FHIT: variants seen among roughly 807,000 people sequenced by gnomAD.
The protein encoded by FHIT is bis(5'-adenosyl)-triphosphatase.
In FHIT, 19 loss-of-function variants were observed where a neutral mutation model predicts 17.9. That is an observed-to-expected ratio of 1.06 (90% CI 0.74 to 1.56). The LOEUF (loss-of-function observed/expected upper bound fraction) is 1.56. Ranked by LOEUF, FHIT falls within the 40% of genes most tolerant of loss-of-function variation. The probability of loss-of-function intolerance (pLI) is 0.00; values close to 1 mark genes in which losing one functional copy is unlikely to be tolerated. For synonymous variants in FHIT, 81 were observed against 69.7 expected, an observed-to-expected ratio of 1.16 and a Z score of -0.81; for missense variants, 248 against 189.2, an observed-to-expected ratio of 1.31 and a Z score of -1.82.
chr3:60,212,108 G>C (rs1018957854), intron 5 of FHIT, among the ~76,000 whole-genome samples: 2 of 152,160 alleles, frequency 1.3e-5, no homozygotes, highest in African/African-American at 4.8e-5. Flanking sequence ...GTTTTAAGCT[G>C]CTGGCTCCTT....
chr3:60,539,818 C>T (rs1012523364), intron 4 of FHIT, among the ~76,000 whole-genome samples: 7 of 152,030 alleles, frequency 4.6e-5, no homozygotes, highest in Non-Finnish European at 8.8e-5. Context: ...GGAGGGATAG[C>T]ATTAGGAGAT....
chr3:60,500,617 A>C (rs2034484197), intron 5 of FHIT, among the ~76,000 whole-genome samples: 2 of 151,232 alleles, frequency 1.3e-5, no homozygotes, highest in African/African-American at 4.9e-5. Context: ...TAAAAATACA[A>C]AAAAAATTAG....
intron 5 of FHIT, among the ~76,000 whole-genome samples, chr3:60,284,086 T>A (rs930139736): frequency 1.3e-5 from 2 of 152,010 alleles, no homozygotes; most frequent in African/African-American, 4.8e-5. Context: ...AAAGATAGGT[T>A]TAGTAGAAAA....
intron 3 of FHIT, among the ~76,000 whole-genome samples, chr3:60,861,842 A>C (rs931678661): frequency 9.3e-5 from 14 of 150,358 alleles, no homozygotes; most frequent in Admixed American, 2.7e-4. Flanking sequence ...CCCAGCTACT[A>C]GGGAGGCTGA....
chr3:60,846,252 A>T (rs1388473305), intron 3 of FHIT, among the ~76,000 whole-genome samples: 3 of 152,218 alleles, frequency 2.0e-5, no homozygotes, highest in African/African-American at 7.2e-5. Context: ...AATGTATTAT[A>T]TATTTGTAAA....
intron 7 of FHIT, among the ~76,000 whole-genome samples, chr3:59,994,180 T>C (rs1318668892): frequency 1.3e-5 from 2 of 152,064 alleles, no homozygotes; most frequent in African/African-American, 2.4e-5. Context: ...AATACTGCCT[T>C]ACAAAAATAA....
chr3:60,027,281 G>A (rs1178771148), intron 5 of FHIT, among the ~76,000 whole-genome samples: 1 of 151,972 alleles, frequency 6.6e-6, no homozygotes, highest in Non-Finnish European at 1.5e-5. Context: ...AGAAAACTGT[G>A]GAAACAAAAC....
intron 4 of FHIT, among the ~76,000 whole-genome samples, chr3:60,729,294 G>C (rs1356562418): frequency 6.6e-6 from 1 of 152,188 alleles, no homozygotes; most frequent in Non-Finnish European, 1.5e-5. Context: ...GAAATGAAAA[G>C]AGCCACCATT....
intron 5 of FHIT, among the ~76,000 whole-genome samples, chr3:60,483,505 G>C (rs1394616092): frequency 6.6e-6 from 1 of 152,144 alleles, no homozygotes; most frequent in Non-Finnish European, 1.5e-5. Context: ...TCATTCCTGG[G>C]ATTCAATGGT....
chr3:60,894,245 C>T (rs1476205837), intron 3 of FHIT, among the ~76,000 whole-genome samples: 1 of 152,170 alleles, frequency 6.6e-6, no homozygotes, highest in Admixed American at 6.5e-5. Flanking sequence ...TAAACGTTAA[C>T]ATACATTAGT....
At chr3:60,980,393 G>A (rs1179524382) in intron 3 of FHIT, among the ~76,000 whole-genome samples, 3 of 152,210 alleles carry the variant, frequency 2.0e-5, no homozygotes, top group South Asian at 2.1e-4. Flanking sequence ...TTTGCTAAAT[G>A]AGTGGAATGG....
chr3:60,113,980 C>G (rs1425951754), intron 5 of FHIT, among the ~76,000 whole-genome samples: 1 of 85,410 alleles, frequency 1.2e-5, no homozygotes, highest in Non-Finnish European at 2.1e-5. Flanking sequence ...CCAGCCTGGG[C>G]AATAGAACAA....
chr3:60,349,131 G>A (rs1710947784), intron 5 of FHIT, among the ~76,000 whole-genome samples: 1 of 151,922 alleles, frequency 6.6e-6, no homozygotes, highest in African/African-American at 2.4e-5. Context: ...AGTAGTACTG[G>A]GTTTTATTAA....
At chr3:60,660,727 C>CCCTTTTTTTTT (rs2040220822) in intron 4 of FHIT, among the ~76,000 whole-genome samples, 1 of 16,738 alleles carries the variant, frequency 6.0e-5, no homozygotes, top group Non-Finnish European at 1.7e-4. Flanking sequence ...TTTTATTGTG[C>CCCTTTTTTTTT]TCTTTTTTTT....
chr3:60,303,245 T>C (rs1708521409), intron 5 of FHIT, among the ~76,000 whole-genome samples: 1 of 152,154 alleles, frequency 6.6e-6, no homozygotes, highest in Non-Finnish European at 1.5e-5. Context: ...TCACTAAGCA[T>C]GACATCCAAA....
chr3:59,953,692 C>A lies in FHIT; in HGVS notation c.280-31278G>T, dbSNP rs550688822. 6.6e-5 allele frequency among the ~76,000 whole-genome samples: 10 copies of A among 152,284 alleles called. 1 individual carries two copies. In the South Asian group the frequency reaches 2.1e-3, roughly 32 times the overall value. On this transcript the variant is annotated intron_variant, in intron 7 of 9. Coordinates refer to ENST00000492590, the MANE Select transcript of FHIT (RefSeq NM_002012.4). Reference sequence around the variant, plus strand: ...CCAAGAGGCCAAACAGAATCTAAAACCACTGCTGACACCTAGCACACCAAA... The same window carrying A: ...CCAAGAGGCCAAACAGAATCTAAAAACACTGCTGACACCTAGCACACCAAA...
intron 2 of FHIT, among the ~76,000 whole-genome samples, chr3:61,102,715 T>A (rs1370609611): frequency 6.6e-6 from 1 of 152,216 alleles, no homozygotes; most frequent in Admixed American, 6.5e-5. Flanking sequence ...CTATTCATTA[T>A]TGCCTTAATT....
intron 5 of FHIT, among the ~76,000 whole-genome samples, chr3:60,230,542 T>G (rs891352474): frequency 6.6e-6 from 1 of 152,178 alleles, no homozygotes; most frequent in Non-Finnish European, 1.5e-5. Flanking sequence ...AAACAGATAA[T>G]GAACATGTAA....
chr3:60,269,218 A>T (rs1163817600), intron 5 of FHIT, among the ~76,000 whole-genome samples: 1 of 152,220 alleles, frequency 6.6e-6, no homozygotes, highest in Non-Finnish European at 1.5e-5. Flanking sequence ...ATAAGAACTA[A>T]GAAGAACACC....
Sources: gnomAD v4.1 joint callset for allele counts (sites outside exome capture counted in the v4.1 genomes callset) on GRCh38, gnomAD v4.1.1 for gene constraint, MANE v1.5 for transcripts, NCBI Gene and HGNC (gene_info 2026-07-23, HGNC 2026-07-21) for gene names.